The following IL1RAPL2 variants were observed in gnomAD, a reference collection of about 807,000 sequenced individuals.
The protein encoded by IL1RAPL2 is interleukin 1 receptor accessory protein like 2, also known as X-linked interleukin-1 receptor accessory protein-like 2.
In IL1RAPL2, 3 loss-of-function variants were observed where a neutral mutation model predicts 44.1. The ratio of observed to expected loss-of-function variants is 0.07; its 90% CI spans 0.03 to 0.18. The LOEUF (loss-of-function observed/expected upper bound fraction) is 0.18. Ranked by LOEUF, IL1RAPL2 falls within the 10% of genes least tolerant of loss-of-function variation. IL1RAPL2 has a pLI of 1.00. For missense variants in IL1RAPL2, 391 were observed against 496.4 expected (o/e 0.79, Z 2.02); for synonymous variants, 181 against 178.8 (o/e 1.01, Z -0.10).
chrX:105,445,564 C>G (rs1279686580), intron 5 of IL1RAPL2, among the ~76,000 whole-genome samples: 2 of 110,562 alleles, frequency 1.8e-5, no homozygotes, highest in Non-Finnish European at 3.8e-5. Context: ...TTTGCTATAT[C>G]CCATAGGTTT....
intron 2 of IL1RAPL2, among the ~76,000 whole-genome samples, chrX:104,805,938 T>C (rs1436259735): frequency 1.8e-5 from 2 of 111,653 alleles, no homozygotes; most frequent in African/African-American, 6.5e-5. Context: ...TTGCTCTTAA[T>C]AGCCACACTA....
At chrX:105,250,984 A>G (rs1312558595) in intron 4 of IL1RAPL2, among the ~76,000 whole-genome samples, 1 of 111,111 alleles carries the variant, frequency 9.0e-6, no homozygotes, top group African/African-American at 3.3e-5. Context: ...AGGGAGAATG[A>G]TGGTTTATTT....
chrX:104,841,550 T>A (rs1246717218), intron 2 of IL1RAPL2, among the ~76,000 whole-genome samples: 1 of 111,984 alleles, frequency 8.9e-6, no homozygotes, highest in Non-Finnish European at 1.9e-5. Context: ...CCATATTTAG[T>A]GCTTCCTTCA....
intron 6 of IL1RAPL2, among the ~76,000 whole-genome samples, chrX:105,685,335 G>A (rs1469208046): frequency 9.0e-6 from 1 of 111,667 alleles, no homozygotes; most frequent in African/African-American, 3.3e-5. Flanking sequence ...TGGCTAATTA[G>A]AATAAACAGT....
At chrX:104,908,853 CT>C (rs1380638663) in intron 2 of IL1RAPL2, among the ~76,000 whole-genome samples, 1 of 110,775 alleles carries the variant, frequency 9.0e-6, no homozygotes, top group African/African-American at 3.3e-5. Flanking sequence ...GTTGGCCTGC[CT>C]TGCTAGATTG....
At chrX:104,878,242 A>G (rs1424351034) in intron 2 of IL1RAPL2, among the ~76,000 whole-genome samples, 1 of 111,725 alleles carries the variant, frequency 9.0e-6, no homozygotes. Context: ...CTTTCCACTA[A>G]TATTATACCA....
intron 1 of IL1RAPL2, among the ~76,000 whole-genome samples, chrX:104,567,610 G>A (rs1398696245): frequency 8.9e-6 from 1 of 112,288 alleles, no homozygotes; most frequent in Admixed American, 9.4e-5. Context: ...TTCCCCTGTG[G>A]TTCCCGAGAC....
intron 1 of IL1RAPL2, among the ~76,000 whole-genome samples, chrX:104,604,739 G>T (rs888308513): frequency 1.8e-5 from 2 of 108,883 alleles, no homozygotes; most frequent in Non-Finnish European, 3.8e-5. Context: ...ATTACATAAT[G>T]GTAAAGGGAT....
chrX:104,595,826 T>A (rs1331954219), intron 1 of IL1RAPL2, among the ~76,000 whole-genome samples: 1 of 111,926 alleles, frequency 8.9e-6, no homozygotes, highest in Non-Finnish European at 1.9e-5. Context: ...ATCTCTTACA[T>A]AAAAATCACC....
chrX:105,323,762 G>C (rs1325354173), intron 5 of IL1RAPL2, among the ~76,000 whole-genome samples: 1 of 110,040 alleles, frequency 9.1e-6, no homozygotes, highest in Non-Finnish European at 1.9e-5. Context: ...TGTAATCCCA[G>C]CTACTCAGGA....
intron 2 of IL1RAPL2, among the ~76,000 whole-genome samples, chrX:105,081,864 G>A (rs996870234): frequency 8.9e-6 from 1 of 111,997 alleles, no homozygotes; most frequent in African/African-American, 3.2e-5. Flanking sequence ...TGTGCTGCTG[G>A]ATTTAGTTTG....
chrX:104,660,947 T>TATAC (rs1555978299), intron 2 of IL1RAPL2, among the ~76,000 whole-genome samples: 7 of 92,332 alleles, frequency 7.6e-5, no homozygotes, highest in African/African-American at 2.0e-4. Flanking sequence ...TATATATATA[T>TATAC]ACACACACAC....
rs782475663 is a variant in IL1RAPL2, at chrX:105,233,645, T to G, written c.357-173T>G. Among the ~76,000 whole-genome samples the G allele has an allele frequency of 3.6e-5, 4 of 112,483 alleles. No homozygotes were observed. The South Asian group carries it at 1.5e-3, about 42-fold the overall frequency. On this transcript the variant is annotated intron_variant, in intron 3 of 10. Coordinates refer to ENST00000372582, the MANE Select transcript of IL1RAPL2 (RefSeq NM_017416.2). ...ACAAATATCCACATTAGCAATTAGTTTCATATCTTCTAGTCAGTTGCAGCA... is the reference window on the plus strand; with the variant it reads ...ACAAATATCCACATTAGCAATTAGTGTCATATCTTCTAGTCAGTTGCAGCA...
intron 5 of IL1RAPL2, among the ~76,000 whole-genome samples, chrX:105,372,017 C>G (rs1234920217): frequency 4.5e-5 from 5 of 111,702 alleles, no homozygotes; most frequent in Non-Finnish European, 9.4e-5. Context: ...CTTCATGCCT[C>G]CTGAGCTGGA....
chrX:105,670,142 T>TATATATATATATATATAAAA (rs1365896538), intron 6 of IL1RAPL2, among the ~76,000 whole-genome samples: 9 of 52,975 alleles, frequency 1.7e-4, no homozygotes, highest in African/African-American at 6.7e-4. Context: ...TATATATATA[T>TATATATATATATATATAAAA]ATATATCTCC....
intron 2 of IL1RAPL2, among the ~76,000 whole-genome samples, chrX:104,957,559 C>A (rs2029925657): frequency 8.9e-6 from 1 of 111,824 alleles, no homozygotes; most frequent in African/African-American, 3.2e-5. Flanking sequence ...TGGAAACATC[C>A]CACTTGCTTT....
intron 2 of IL1RAPL2, among the ~76,000 whole-genome samples, chrX:105,152,655 T>C (rs1448522232): frequency 8.9e-6 from 1 of 112,077 alleles, no homozygotes; most frequent in Non-Finnish European, 1.9e-5. Context: ...AAATTCACAT[T>C]GAGATTTAAT....
At chrX:105,405,928 A>G in intron 5 of IL1RAPL2, 1 of 1,165,888 alleles carries the variant, frequency 8.6e-7, no homozygotes, top group Non-Finnish European at 1.2e-6. Flanking sequence ...AGGGATGATG[A>G]TGTTTTGTTT....
At chrX:105,521,875 A>C (rs1190799744) in intron 6 of IL1RAPL2, among the ~76,000 whole-genome samples, 1 of 112,445 alleles carries the variant, frequency 8.9e-6, no homozygotes, top group East Asian at 2.8e-4. Flanking sequence ...CTGTCTGTAT[A>C]ACTACTACCC....
Sources: gnomAD v4.1 joint callset for allele counts (sites outside exome capture counted in the v4.1 genomes callset) on GRCh38, gnomAD v4.1.1 for gene constraint, MANE v1.5 for transcripts, NCBI Gene and HGNC (gene_info 2026-07-23, HGNC 2026-07-21) for gene names.